Variants in PLEKHA6 observed in about 807,000 individuals in gnomAD.
PLEKHA6 encodes the protein pleckstrin homology domain containing A6.
In PLEKHA6, 60 loss-of-function variants were observed where a neutral mutation model predicts 116.7. That is an observed-to-expected ratio of 0.51 (90% CI 0.42 to 0.64). The LOEUF (loss-of-function observed/expected upper bound fraction) is 0.64. Ranked by LOEUF, PLEKHA6 falls within the 30% of genes least tolerant of loss-of-function variation. The pLI is 0.00. For synonymous variants in PLEKHA6, 489 were observed against 556.1 expected (o/e 0.88, Z 1.70); for missense variants, 1,338 against 1,422.7 (o/e 0.94, Z 0.96).
At chr1:204,260,497 A>G (rs1571939668) in intron 7 of PLEKHA6, among the ~76,000 whole-genome samples, 2 of 152,250 alleles carry the variant, frequency 1.3e-5, no homozygotes, top group Admixed American at 1.3e-4. Flanking sequence ...TACAGTAAGT[A>G]TTTGTGAAAT....
intron 5 of PLEKHA6, 22 bp downstream of exon 5, chr1:204,267,453 C>T: frequency 6.2e-7 from 1 of 1,608,014 alleles, no homozygotes; most frequent in Non-Finnish European, 8.5e-7. Flanking sequence ...GCCATCCCTG[C>T]CAGTCCAAGG....
At chr1:204,347,349 C>G in intron 1 of PLEKHA6, 1 of 654,894 alleles carries the variant, frequency 1.5e-6, no homozygotes, top group South Asian at 1.7e-5. Flanking sequence ...CTGCCTGGCT[C>G]ACTGGCTGTC....
chr1:204,249,314 G>A (rs1239745709), intron 10 of PLEKHA6, 50 bp from the exon 11 acceptor site: 2 of 1,316,818 alleles, frequency 1.5e-6, no homozygotes, highest in Non-Finnish European at 2.2e-6. Flanking sequence ...GGGGATGAAG[G>A]ACATAGTTTG....
chr1:204,371,053 CAAA>C (rs34493461), intron 2 of PLEKHA6, among the ~76,000 whole-genome samples: 4 of 68,450 alleles, frequency 5.8e-5, no homozygotes, highest in South Asian at 5.7e-4. Flanking sequence ...GACTCTGCCT[CAAA>C]AAAAAAAAAA....
intron 1 of PLEKHA6, among the ~76,000 whole-genome samples, chr1:204,331,389 C>T (rs1238367411): frequency 6.6e-6 from 1 of 151,884 alleles, no homozygotes; most frequent in African/African-American, 2.4e-5. Flanking sequence ...GTCCATGCTG[C>T]AGCCCAGCCC....
chr1:204,317,666 C>T (rs1290478964), intron 1 of PLEKHA6, among the ~76,000 whole-genome samples: 3 of 152,188 alleles, frequency 2.0e-5, no homozygotes, highest in South Asian at 2.1e-4. Context: ...TTGGAATCAT[C>T]GGTGGGTTGG....
At chr1:204,224,714 G>A (rs1444015516) in intron 21 of PLEKHA6, among the ~76,000 whole-genome samples, 3 of 152,186 alleles carry the variant, frequency 2.0e-5, no homozygotes, top group Non-Finnish European at 4.4e-5. Flanking sequence ...GCTCACATAA[G>A]CGTATTTGTG....
intron 1 of PLEKHA6, chr1:204,275,810 A>T (rs1434326558): frequency 3.2e-6 from 2 of 617,960 alleles, no homozygotes; most frequent in African/African-American, 4.0e-5. Flanking sequence ...CAGTGGAGGG[A>T]CTAGATGAGT....
intron 1 of PLEKHA6, among the ~76,000 whole-genome samples, chr1:204,303,783 G>A (rs547486758): frequency 2.6e-5 from 4 of 152,230 alleles, no homozygotes; most frequent in African/African-American, 4.8e-5. Flanking sequence ...GCGCAATCAC[G>A]GCTAACTGCA....
chr1:204,329,888 C>CA (rs35574473), intron 1 of PLEKHA6, among the ~76,000 whole-genome samples: 32,629 of 118,190 alleles, frequency 0.28, 3,833 homozygotes, highest in South Asian at 0.35. Flanking sequence ...GACCCTGTCT[C>CA]AAAAAAAAAA....
chr1:204,332,693 T>G lies in PLEKHA6; in HGVS notation c.-95+27001A>C, dbSNP rs187834957. 2.2e-4 allele frequency among the ~76,000 whole-genome samples: 34 copies of G among 152,218 alleles called. 1 individual carries two copies. The East Asian group carries it at 6.6e-3, about 30-fold the overall frequency. ...CTGCGCCTGACCCAGTCCTCACTCT[T>G]TAGGCACTAAGGAAACAGGCCAACA... On this transcript the variant is annotated intron_variant, in intron 1 of 22. Transcript: ENST00000272203.
At chr1:204,300,651 T>C (rs1322245226) in intron 1 of PLEKHA6, among the ~76,000 whole-genome samples, 1 of 152,230 alleles carries the variant, frequency 6.6e-6, no homozygotes, top group Non-Finnish European at 1.5e-5. Flanking sequence ...GAGCTCCCCG[T>C]GCCCACCCTT....
Position 204,223,675 on chromosome 1 carries a change from G to T in PLEKHA6, c.3032-90C>A. On this transcript the variant is annotated intron_variant, in intron 21 of 22. Transcript: ENST00000272203. The surrounding 1 kb of genome is among the most constrained non-coding windows in gnomAD (Gnocchi z 4.8). ...GCAAGCGAGGCCCTCCCCAGGCAGG[G>T]AGTGAGGCAGGGAGGCAAGCGAAGA... 1.5e-6 allele frequency: 1 copy of T among 650,644 alleles called. No homozygotes were observed. Among genetic ancestry groups the T allele is most frequent in the Non-Finnish European group, 2.8e-6 (1 of 357,676 alleles). The allele number at this position is 650,644 out of a possible 1,614,324, so 40.3% of individuals were successfully genotyped here.
chr1:204,292,726 T>C (rs531340421), intron 1 of PLEKHA6, among the ~76,000 whole-genome samples: 34 of 152,180 alleles, frequency 2.2e-4, no homozygotes, highest in African/African-American at 8.2e-4. Flanking sequence ...CTGGGATGGA[T>C]GGAAACAGGG....
intron 2 of PLEKHA6, among the ~76,000 whole-genome samples, chr1:204,274,220 C>T (rs769213037): frequency 4.6e-5 from 7 of 152,196 alleles, no homozygotes; most frequent in Non-Finnish European, 8.8e-5. Flanking sequence ...GCATGAGCCA[C>T]CTGTTCCCAG....
At chr1:204,279,278 G>C (rs776594287) in intron 1 of PLEKHA6, among the ~76,000 whole-genome samples, 1 of 152,190 alleles carries the variant, frequency 6.6e-6, no homozygotes, top group Non-Finnish European at 1.5e-5. Context: ...CAAGGGAGTA[G>C]GAACGAAGGA....
chr1:204,260,752 G>A (rs756183409), intron 7 of PLEKHA6, among the ~76,000 whole-genome samples: 6 of 152,318 alleles, frequency 3.9e-5, no homozygotes, highest in Middle Eastern at 3.4e-3. Flanking sequence ...CGCTGAGACC[G>A]TGGGTGACGG....
At chr1:204,293,861 C>T (rs887115809) in intron 1 of PLEKHA6, among the ~76,000 whole-genome samples, 1 of 152,128 alleles carries the variant, frequency 6.6e-6, no homozygotes, top group Admixed American at 6.6e-5. Context: ...AACTTCAATG[C>T]ATGAACATGG....
chr1:204,287,590 T>C (rs1057315864), intron 1 of PLEKHA6, among the ~76,000 whole-genome samples: 2 of 152,132 alleles, frequency 1.3e-5, no homozygotes, highest in Non-Finnish European at 2.9e-5. Context: ...CCCGCCAGGT[T>C]CTGTCTTACC....
Sources: allele counts gnomAD v4.1 joint callset (sites outside exome capture counted in the v4.1 genomes callset), GRCh38; gene constraint gnomAD v4.1.1; non-coding constraint Gnocchi (gnomAD v3.1); transcripts MANE v1.5; gene names NCBI Gene and HGNC (gene_info 2026-07-23, HGNC 2026-07-21).